Variants in KHDRBS3 observed in about 807,000 individuals in gnomAD.
The protein encoded by KHDRBS3 is KH RNA binding domain containing, signal transduction associated 3, also known as KH domain-containing, RNA-binding, signal transduction-associated protein 3.
KHDRBS3 carries 23 observed loss-of-function variants against 45.6 expected under a neutral mutation model. The observed-to-expected ratio is 0.50, with a 90% CI of 0.36 to 0.72. KHDRBS3 has a LOEUF of 0.72. Among genes scored for constraint, KHDRBS3 ranks in the 30% least tolerant of loss-of-function variants. The pLI is 0.00. For synonymous variants in KHDRBS3, 162 were observed against 156.5 expected, an observed-to-expected ratio of 1.04 and a Z score of -0.26; for missense variants, 352 against 424.8, an observed-to-expected ratio of 0.83 and a Z score of 1.51.
chr8:135,503,275 G>A (rs937123305), intron 1 of KHDRBS3, among the ~76,000 whole-genome samples: 2 of 152,194 alleles, frequency 1.3e-5, no homozygotes, highest in African/African-American at 2.4e-5. Flanking sequence ...CACATGCACA[G>A]TTCTCTTAAC....
chr8:135,623,100 T>C (rs1830215394), intron 7 of KHDRBS3, among the ~76,000 whole-genome samples: 1 of 152,204 alleles, frequency 6.6e-6, no homozygotes, highest in South Asian at 2.1e-4. Flanking sequence ...TTCTAATATG[T>C]AGTTTCAATA....
intron 1 of KHDRBS3, among the ~76,000 whole-genome samples, chr8:135,465,266 G>T (rs2130129863): frequency 6.6e-6 from 1 of 152,112 alleles, no homozygotes; most frequent in South Asian, 2.1e-4. Context: ...TGCCTTCTTT[G>T]TAGGGTTGCT....
chr8:135,553,576 C>G (rs1213692688), intron 4 of KHDRBS3, among the ~76,000 whole-genome samples: 8 of 152,146 alleles, frequency 5.3e-5, no homozygotes, highest in African/African-American at 1.9e-4. Flanking sequence ...TCTTATAGAT[C>G]ACAATACAAA....
At chr8:135,510,205 C>G (rs1404289649) in intron 1 of KHDRBS3, among the ~76,000 whole-genome samples, 1 of 152,032 alleles carries the variant, frequency 6.6e-6, no homozygotes, top group Non-Finnish European at 1.5e-5. Context: ...TCAAGTGACC[C>G]TCTTTCCTTA....
chr8:135,513,205 A>C (rs1216405224), intron 1 of KHDRBS3, among the ~76,000 whole-genome samples: 1 of 152,134 alleles, frequency 6.6e-6, no homozygotes, highest in Non-Finnish European at 1.5e-5. Flanking sequence ...GTCTCAAAAA[A>C]AAAAAGAAAA....
chr8:135,604,003 T>C (rs1022490987), intron 6 of KHDRBS3, among the ~76,000 whole-genome samples: 1 of 152,094 alleles, frequency 6.6e-6, no homozygotes, highest in African/African-American at 2.4e-5. Context: ...GAAAGTGTGT[T>C]GATGAAGTAC....
At chr8:135,582,489 G>A (rs1039453149) in intron 6 of KHDRBS3, among the ~76,000 whole-genome samples, 4 of 152,180 alleles carry the variant, frequency 2.6e-5, no homozygotes, top group African/African-American at 9.6e-5. Flanking sequence ...GCTGAGTATG[G>A]ATTCTTAGTG....
At chr8:135,492,928 A>G (rs1185207800) in intron 1 of KHDRBS3, among the ~76,000 whole-genome samples, 1 of 152,206 alleles carries the variant, frequency 6.6e-6, no homozygotes, top group Non-Finnish European at 1.5e-5. Flanking sequence ...TATCTTAACA[A>G]TATTGAGTCT....
At chr8:135,527,827 A>C (rs1563744836) in intron 2 of KHDRBS3, among the ~76,000 whole-genome samples, 3 of 152,222 alleles carry the variant, frequency 2.0e-5, no homozygotes, top group African/African-American at 7.2e-5. Flanking sequence ...GAAAAAGCGA[A>C]CCAGAATCTT....
At chr8:135,548,683 A>G in intron 3 of KHDRBS3, 71 bp from the exon 4 acceptor site, 1 of 1,196,236 alleles carries the variant, frequency 8.4e-7, no homozygotes, top group Non-Finnish European at 1.1e-6. Context: ...GTTTTTATTT[A>G]TTTATTTATT....
At chr8:135,472,861 T>C (rs2130228716) in intron 1 of KHDRBS3, among the ~76,000 whole-genome samples, 1 of 151,888 alleles carries the variant, frequency 6.6e-6, no homozygotes, top group South Asian at 2.1e-4. Context: ...ACTCAGGGAG[T>C]GTGTGGAATC....
chr8:135,633,804 C>G (rs1830702130), intron 7 of KHDRBS3, among the ~76,000 whole-genome samples: 1 of 152,218 alleles, frequency 6.6e-6, no homozygotes, highest in Non-Finnish European at 1.5e-5. Context: ...TACACGTGCA[C>G]AGCCTCCCCA....
chr8:135,526,119 A>T (rs540755855), intron 2 of KHDRBS3, among the ~76,000 whole-genome samples: 1 of 152,292 alleles, frequency 6.6e-6, no homozygotes, highest in African/African-American at 2.4e-5. Context: ...CTAGGTATAC[A>T]GTAGGATATG....
intron 7 of KHDRBS3, among the ~76,000 whole-genome samples, chr8:135,612,518 T>C (rs1281522813): frequency 1.3e-5 from 2 of 151,908 alleles, no homozygotes; most frequent in Non-Finnish European, 2.9e-5. Flanking sequence ...GATGCACTGG[T>C]GGGCAGTGCC....
At chr8:135,583,105 G>T (rs978487769) in intron 6 of KHDRBS3, among the ~76,000 whole-genome samples, 3 of 151,914 alleles carry the variant, frequency 2.0e-5, no homozygotes, top group African/African-American at 7.3e-5. Flanking sequence ...GTCAATCATT[G>T]CTAGGGAAAT....
At chr8:135,607,137 T>TTACCCTCTC in intron 7 of KHDRBS3, 100 bp downstream of exon 7, 1 of 853,178 alleles carries the variant, frequency 1.2e-6, no homozygotes, top group Non-Finnish European at 1.8e-6. Context: ...GAGAGGGTAA[T>TTACCCTCTC]TGGCTTGCCC....
At chr8:135,458,130 G>A in intron 1 of KHDRBS3, 176 bp downstream of exon 1, 19 of 1,378,490 alleles carry the variant, frequency 1.4e-5, no homozygotes, top group Non-Finnish European at 1.8e-5. Context: ...ACACCTAGGG[G>A]AAGACCCTGA....
chr8:135,497,289 G>T (rs187011836), intron 1 of KHDRBS3, among the ~76,000 whole-genome samples: 1 of 152,176 alleles, frequency 6.6e-6, no homozygotes, highest in African/African-American at 2.4e-5. Flanking sequence ...TGTTAACAGT[G>T]GATATGTCGG....
intron 8 of KHDRBS3, among the ~76,000 whole-genome samples, chr8:135,645,369 G>A (rs912227613): frequency 2.6e-5 from 4 of 152,156 alleles, no homozygotes; most frequent in African/African-American, 7.2e-5. Flanking sequence ...TGGTCGCCGT[G>A]TGCTGATTTT....
Sources: gnomAD v4.1 joint callset for allele counts (sites outside exome capture counted in the v4.1 genomes callset) on GRCh38, gnomAD v4.1.1 for gene constraint, MANE v1.5 for transcripts, NCBI Gene and HGNC (gene_info 2026-07-23, HGNC 2026-07-21) for gene names.